The following CRELD1 variants were observed in gnomAD, a reference collection of about 807,000 sequenced individuals.
CRELD1 encodes the protein protein disulfide isomerase CRELD1.
In CRELD1, 42 loss-of-function variants were observed where a neutral mutation model predicts 58.2. The ratio of observed to expected loss-of-function variants is 0.72; its 90% confidence interval spans 0.56 to 0.93. CRELD1 has a LOEUF of 0.93. CRELD1 is among the 40% of genes least tolerant of loss of function. The pLI is 0.00. For synonymous variants in CRELD1, 222 were observed against 202.0 expected, an observed-to-expected ratio of 1.10 and a Z score of -0.84; for missense variants, 500 against 540.6, an observed-to-expected ratio of 0.92 and a Z score of 0.74.
In CRELD1 at chr3:9,934,382, C is replaced by T. The variant is rs1180844970; in HGVS notation, c.-19-38C>T. 3 of 1,481,308 alleles carry T rather than the reference C, an allele frequency of 2.0e-6. No individual in the cohort carries two copies. The African/African-American group carries it at 4.2e-5, about 21-fold the overall frequency. The allele number at this position is 1,481,308 out of a possible 1,614,324, so 91.8% of individuals were successfully genotyped here. ...TTTTTCTTTCTCGCGTGGGGCCTGA[C>T]TCCTTCAGTGAAGCCTCTCCACGCC... On this transcript the variant is annotated intron_variant, in intron 1 of 10. Transcript: ENST00000452070.
intron 1 of CRELD1, 114 bp from the exon 2 acceptor site, chr3:9,934,306 T>G: frequency 1.2e-6 from 1 of 837,348 alleles, no homozygotes; most frequent in Non-Finnish European, 2.0e-6. Context: ...GTTTGGCCTC[T>G]TTTGCTTGTA....
At position 9,934,468 on chromosome 3, in the gene CRELD1, C is replaced by A; in HGVS notation, c.30C>A (p.Val10=). 1 of 1,613,992 alleles carries A rather than the reference C, an allele frequency of 6.2e-7. No individual in the cohort carries two copies. The highest frequency in any genetic ancestry group is 8.5e-7 in the Non-Finnish European group (1 of 1,179,968). The stretch of plus-strand genomic sequence containing the variant: ...CCCCATGGCCCCCGAAGGGCCTAGT[C>A]CCAGCTATGCTCTGGGGCCTCAGCC... MAPWPPKGL[V]PAMLWGLSLF... Residue 10 remains valine (V), a synonymous_variant, in exon 2 of 11, where the codon GTC becomes GTA. Transcript: ENST00000452070.
intron 5 of CRELD1, 136 bp from the exon 6 acceptor site, chr3:9,940,714 G>T: frequency 1.6e-6 from 1 of 630,206 alleles, no homozygotes; most frequent in Admixed American, 2.2e-5. Flanking sequence ...TGGGGAGAGG[G>T]AGAGGGAAAG....
At chr3:9,941,816 A>G (rs898699886) in intron 7 of CRELD1, among the ~76,000 whole-genome samples, 2 of 148,592 alleles carry the variant, frequency 1.3e-5, no homozygotes, top group South Asian at 4.3e-4. Flanking sequence ...AAAAAAAAAA[A>G]TGAGGAAGGG....
Position 9,934,644 on chromosome 3 carries a change from A to G in CRELD1, c.174+32A>G, listed in dbSNP as rs771418087. 1.2e-5 allele frequency: 19 copies of G among 1,608,792 alleles called. No homozygotes were observed. The South Asian group carries it at 1.3e-4, about 11-fold the overall frequency. On this transcript the variant is annotated intron_variant, in intron 2 of 10. Coordinates refer to ENST00000452070, the MANE Select transcript of CRELD1 (RefSeq NM_001077415.3). ...GCACCGGCAGCCTCGTTAGAGGGGA[A>G]CACAGCGATTTAGAGTGGGGAACTC...
At chr3:9,943,934 G>A in intron 10 of CRELD1, 1 of 1,495,008 alleles carries the variant, frequency 6.7e-7, no homozygotes, top group South Asian at 1.1e-5. Context: ...TTTAACCCCT[G>A]AAACAACCCG....
Position 9,944,416 on chromosome 3 carries a change from A to G in CRELD1, c.1100A>G (p.Gln367Arg). The G allele has an allele frequency of 1.2e-6, 2 of 1,614,136 alleles. No individual in the cohort carries two copies. Among genetic ancestry groups the G allele is most frequent in the South Asian group, 2.2e-5 (2 of 91,074 alleles). The change falls in exon 11 of 11, where the codon CAG (glutamine) becomes CGG (arginine). Residue 367 changes from glutamine to arginine, a missense_variant. Physicochemically the swap from Gln to Arg is conservative, Grantham distance 43. Coordinates refer to ENST00000452070, the MANE Select transcript of CRELD1 (RefSeq NM_001077415.3). ...ACAGAAGACGAGTTGGTGGTGCTGC[A>G]GCAGATGTTCTTTGGCATCATCATC... Reference protein sequence around the residue: ...EMTEDELVVLQQMFFGIIICA... With the variant: ...EMTEDELVVLRQMFFGIIICA...
In CRELD1 at chr3:9,934,563, A is replaced by G. The variant is rs1249561754; in HGVS notation, c.125A>G (p.Gln42Arg). 3 of 1,613,892 alleles carry G rather than the reference A, an allele frequency of 1.9e-6. No individual in the cohort carries two copies. Among genetic ancestry groups the G allele is most frequent in the African/African-American group, 1.3e-5 (1 of 74,890 alleles). Reference sequence around the variant, plus strand: ...CCTCCCCAGTCTTCTCCCCCGCCTCAGCCCCATCCGTGTCATACCTGCCGG... The same window carrying G: ...CCTCCCCAGTCTTCTCCCCCGCCTCGGCCCCATCCGTGTCATACCTGCCGG... ...SPPPQSSPPP[Q>R]PHPCHTCRGL... Residue 42 changes from glutamine (Q) to arginine (R), a missense_variant, in exon 2 of 11, where the codon CAG (glutamine) becomes CGG (arginine). Coordinates refer to ENST00000452070, the MANE Select transcript of CRELD1 (RefSeq NM_001077415.3).
At position 9,944,831 on chromosome 3, in the gene CRELD1, C is replaced by G. The variant is rs1438824715; in HGVS notation, c.*252C>G. On this transcript the variant is annotated 3_prime_UTR_variant, in exon 11 of 11. Transcript: ENST00000452070. ...GGCAGGCTTCACAATGTGTGAATTT[C>G]AAAAGTTTTTCCTTAATGGTGGCTG... 1 of 544,580 alleles carries G rather than the reference C, an allele frequency of 1.8e-6. No homozygotes were observed. The allele number at this position is 544,580 out of a possible 1,614,324, so 33.7% of individuals were successfully genotyped here. A position where few individuals can be genotyped will look rare whatever the true frequency, so the allele number is the denominator to read the frequency against.
intron 4 of CRELD1, 63 bp downstream of exon 4, chr3:9,937,735 T>A: frequency 1.7e-6 from 2 of 1,199,372 alleles, no homozygotes; most frequent in Non-Finnish European, 2.4e-6. Flanking sequence ...TAAGGCCTGA[T>A]TTGGCCGAGA....
chr3:9,943,038 G>C, intron 8 of CRELD1, 39 bp from the exon 9 acceptor site: 1 of 1,598,898 alleles, frequency 6.3e-7, no homozygotes, highest in African/African-American at 1.3e-5. Context: ...CCTGGGCCTA[G>C]GTGCACATCT....
rs2085072839 is a variant in CRELD1 at position 9,933,907 on chromosome 3, C to T, written c.-33C>T. ...CTGGGGCGGTCGCTTCTTCCTTCTC[C>T]GTGGCCTACGAGGGTCTGGATCCTT... On this transcript the variant is annotated 5_prime_UTR_variant, in exon 1 of 11. Coordinates refer to ENST00000452070, the MANE Select transcript of CRELD1 (RefSeq NM_001077415.3). 1.2e-5 allele frequency: 5 copies of T among 425,610 alleles called. No homozygotes were observed. The East Asian group carries it at 1.5e-4, about 13-fold the overall frequency. 26.4% of individuals were successfully genotyped at this position (425,610 alleles called of 1,614,324 possible).
chr3:9,935,030 TG>T, intron 3 of CRELD1, 113 bp downstream of exon 3: 1 of 861,240 alleles, frequency 1.2e-6, no homozygotes, highest in Non-Finnish European at 1.8e-6. Flanking sequence ...CAAATAGCAC[TG>T]AACATCTATA....
In CRELD1 at chr3:9,934,517, A is replaced by G. The variant is rs1225310869; in HGVS notation, c.79A>G (p.Ile27Val). The G allele has an allele frequency of 5.0e-6, 8 of 1,613,746 alleles. 1 individual carries two copies. The highest frequency in any genetic ancestry group is 4.5e-5 in the East Asian group (2 of 44,862). ...CCTCTTCCTCAACCTCCCAGGACCT[A>G]TCTGGCTCCAGCCCTCTCCACCTCC... Reference protein sequence around the residue: ...LSLFLNLPGPIWLQPSPPPQS... With the variant: ...LSLFLNLPGPVWLQPSPPPQS... Residue 27 changes from isoleucine to valine, a missense_variant, in exon 2 of 11, where the codon ATC becomes GTC. Transcript: ENST00000452070.
intron 7 of CRELD1, among the ~76,000 whole-genome samples, chr3:9,941,586 C>T (rs185420351): frequency 2.2e-4 from 33 of 151,894 alleles, no homozygotes; most frequent in Admixed American, 3.3e-4. Flanking sequence ...ATCAGGAGAT[C>T]GAGACCATCC....
chr3:9,943,515 G>C lies in CRELD1; in HGVS notation c.1048G>C (p.Glu350Gln), dbSNP rs1158277575. 6.2e-7 allele frequency: 1 copy of C among 1,613,942 alleles called. No homozygotes were observed. Among genetic ancestry groups the C allele is most frequent in the African/African-American group, 1.3e-5 (1 of 74,894 alleles). ...CATCTGTGTGAAGGAGCAGATCCCA[G>C]GTGAGCCCTGGGGCGGGAGAGGGGA... ...EGICVKEQIP[E>Q]SAGFFSEMTE... is the part of the protein sequence containing the mutation. The change falls in exon 10 of 11, where the codon GAG becomes CAG. Residue 350 changes from glutamate (E) to glutamine (Q), a missense_variant and splice_region_variant. Transcript: ENST00000452070.
intron 10 of CRELD1, 76 bp downstream of exon 10, chr3:9,943,591 G>A: frequency 6.2e-7 from 1 of 1,607,154 alleles, no homozygotes; most frequent in Non-Finnish European, 8.5e-7. Context: ...GGTAGCAGTG[G>A]CAGCTCCAGG....
intron 5 of CRELD1, among the ~76,000 whole-genome samples, chr3:9,939,120 A>G (rs1316160947): frequency 6.6e-6 from 1 of 151,448 alleles, no homozygotes; most frequent in African/African-American, 2.4e-5. Context: ...CCTGGGAAAC[A>G]GAGCGAGACC....
chr3:9,943,731 CAAAT>C, intron 10 of CRELD1: 1 of 985,404 alleles, frequency 1.0e-6, no homozygotes, highest in South Asian at 4.7e-5. Context: ...GACCTGGCAT[CAAAT>C]CAGTCTGCCT....
Sources: gnomAD v4.1 joint callset for allele counts (sites outside exome capture counted in the v4.1 genomes callset) on GRCh38, gnomAD v4.1.1 for gene constraint, MANE v1.5 for transcripts, NCBI Gene and HGNC (gene_info 2026-07-23, HGNC 2026-07-21) for gene names.